Variants in FBXO42 observed in about 807,000 individuals in gnomAD.
The protein encoded by FBXO42 is F-box protein 42.
A neutral mutation model predicts 71.7 loss-of-function variants in FBXO42; 12 were observed. The ratio of observed to expected loss-of-function variants is 0.17; its 90% CI spans 0.11 to 0.27. The LOEUF (loss-of-function observed/expected upper bound fraction) is 0.27. FBXO42 is among the 10% of genes least tolerant of loss of function. FBXO42 has a pLI of 1.00. For missense variants in FBXO42, 707 were observed against 911.9 expected, an observed-to-expected ratio of 0.78 and a Z score of 2.89; for synonymous variants, 325 against 327.5, an observed-to-expected ratio of 0.99 and a Z score of 0.08.
intron 3 of FBXO42, among the ~76,000 whole-genome samples, chr1:16,301,296 CA>C (rs954089786): frequency 2.6e-5 from 4 of 152,078 alleles, no homozygotes; most frequent in Admixed American, 2.6e-4. Context: ...CTTAAGTCCA[CA>C]AAAATTATTA....
intron 4 of FBXO42, among the ~76,000 whole-genome samples, chr1:16,271,908 G>A (rs909964601): frequency 6.6e-6 from 1 of 151,204 alleles, no homozygotes; most frequent in Non-Finnish European, 1.5e-5. Context: ...GGAGGCTGAG[G>A]CGGGTGGATC....
At chr1:16,262,734 G>A (rs982169972) in intron 4 of FBXO42, among the ~76,000 whole-genome samples, 4 of 152,024 alleles carry the variant, frequency 2.6e-5, no homozygotes, top group African/African-American at 9.7e-5. Flanking sequence ...GTCTCACTCC[G>A]GTTGCCCAGG....
In FBXO42 at chr1:16,265,898, A is replaced by T. The variant is rs556256913; in HGVS notation, c.503-9139T>A. Among the ~76,000 whole-genome samples, 192 of 152,320 alleles carry T rather than the reference A, an allele frequency of 1.3e-3. 1 individual carries two copies. The highest frequency in any genetic ancestry group is 4.3e-3 in the African/African-American group (179 of 41,578). ...GGCTCTGAGTACAGGTGTCTTAGGCAATAATAGCCAAATGTCACAAGATGA... is the reference window on the plus strand; with the variant it reads ...GGCTCTGAGTACAGGTGTCTTAGGCTATAATAGCCAAATGTCACAAGATGA... On this transcript the variant is annotated intron_variant, in intron 4 of 9. Transcript: ENST00000375592.
intron 4 of FBXO42, among the ~76,000 whole-genome samples, chr1:16,289,645 T>TG (rs386366301): frequency 1.5e-5 from 1 of 65,302 alleles, no homozygotes; most frequent in African/African-American, 6.8e-5. Flanking sequence ...CCCTCCACTA[T>TG]CATTCTTTAG....
In FBXO42 at chr1:16,250,793, G is replaced by T; in HGVS notation, c.2031C>A (p.Ser677Arg). The T allele has an allele frequency of 6.2e-7, 1 of 1,614,124 alleles. No homozygotes were observed. The highest frequency in any genetic ancestry group is 8.5e-7 in the Non-Finnish European group (1 of 1,180,036). Residue 677 changes from serine (S) to arginine (R), a missense_variant, in exon 10 of 10, where the codon AGC becomes AGA. Ser to Arg is a moderately radical substitution (Grantham distance 110). Around this residue, in one of 5 missense-constraint regions of FBXO42, gnomAD observed 9 missense variants for 31.8 expected, o/e 0.28. Transcript: ENST00000375592. This position sits in a 1 kb window ranked among gnomAD's most constrained non-coding sequence, Gnocchi z 4.7. Reference protein sequence around the residue: ...SSSVVGPPETSLHTVVQGRGE... With the variant: ...SSSVVGPPETRLHTVVQGRGE... The stretch of plus-strand genomic sequence containing the variant: ...CCCTGCCTTGTACCACGGTATGCAG[G>T]CTGGTTTCAGGAGGTCCAACCACAG...
Position 16,281,574 on chromosome 1 carries a change from T to C in FBXO42, c.502+13209A>G, listed in dbSNP as rs545426208. On this transcript the variant is annotated intron_variant, in intron 4 of 9. Transcript: ENST00000375592. The stretch of plus-strand genomic sequence containing the variant: ...ACCTCTGCCTCCCAGGTTCAAGCAA[T>C]TCTTGTGCCTCGGACTCTTGAGTAG... 7.3e-5 allele frequency among the ~76,000 whole-genome samples: 11 copies of C among 151,422 alleles called. No individual in the cohort carries two copies. In the East Asian group the frequency reaches 1.4e-3, roughly 19 times the overall value.
chr1:16,251,217 C>T lies in FBXO42; in HGVS notation c.1607G>A (p.Gly536Asp), dbSNP rs1161999029. ...SMRHPPEQTN[G>D]VHTPPHVASA... ...GGCCACGTGAGGTGGGGTATGCACA[C>T]CATTTGTCTGTTCAGGAGGGTGTCT... Residue 536 changes from glycine to aspartate, a missense_variant, in exon 10 of 10, where the codon GGT becomes GAT. This residue lies in a region of FBXO42 where 482 missense variants were observed against 587.1 expected (regional missense o/e 0.82). Transcript: ENST00000375592. The surrounding 1 kb of genome is among the most constrained non-coding windows in gnomAD (Gnocchi z 4.5). 1 of 1,614,140 alleles carries T rather than the reference C, an allele frequency of 6.2e-7. No homozygotes were observed. Among genetic ancestry groups the T allele is most frequent in the Non-Finnish European group, 8.5e-7 (1 of 1,180,026 alleles).
intron 1 of FBXO42, among the ~76,000 whole-genome samples, chr1:16,348,527 C>T (rs4661740): frequency 0.26 from 39,461 of 151,634 alleles, 5,875 homozygotes; most frequent in Non-Finnish European, 0.34. Context: ...TGAAATCCCA[C>T]CTCTACTAAA....
intron 4 of FBXO42, among the ~76,000 whole-genome samples, chr1:16,269,867 T>C (rs531052508): frequency 8.9e-4 from 135 of 151,878 alleles, no homozygotes; most frequent in South Asian, 1.7e-3. Context: ...TGTTTTGTTT[T>C]GTTTTGTTTT....
At chr1:16,340,508 G>A (rs1432599222) in intron 1 of FBXO42, among the ~76,000 whole-genome samples, 2 of 151,834 alleles carry the variant, frequency 1.3e-5, no homozygotes, top group African/African-American at 4.8e-5. Flanking sequence ...TAGTAGAGAC[G>A]GGGTTTCACC....
intron 4 of FBXO42, among the ~76,000 whole-genome samples, chr1:16,258,513 T>A (rs183866781): frequency 2.8e-4 from 42 of 151,860 alleles, no homozygotes; most frequent in African/African-American, 9.2e-4. Context: ...AGCACCACCA[T>A]GCCCGACTAA....
intron 2 of FBXO42, among the ~76,000 whole-genome samples, chr1:16,310,550 A>G (rs1384147569): frequency 6.6e-6 from 1 of 152,236 alleles, no homozygotes; most frequent in East Asian, 1.9e-4. Flanking sequence ...ATAACTGATA[A>G]GCCAGAATTC....
At chr1:16,253,954 A>C (rs2081615417) in intron 6 of FBXO42, among the ~76,000 whole-genome samples, 1 of 152,234 alleles carries the variant, frequency 6.6e-6, no homozygotes, top group Non-Finnish European at 1.5e-5. Context: ...CTGTAGCCTG[A>C]ACAAGTCACT....
intron 1 of FBXO42, among the ~76,000 whole-genome samples, chr1:16,340,876 GC>G (rs2082597833): frequency 6.6e-6 from 1 of 152,134 alleles, no homozygotes; most frequent in South Asian, 2.1e-4. Context: ...AGGTCATACA[GC>G]CAATGAGTAG....
chr1:16,279,929 C>T (rs1217491610), intron 4 of FBXO42, among the ~76,000 whole-genome samples: 1 of 150,006 alleles, frequency 6.7e-6, no homozygotes, highest in Non-Finnish European at 1.5e-5. Context: ...TCACTGCAAC[C>T]TCTGCCTCCC....
At chr1:16,311,916 G>C (rs2082316807) in intron 2 of FBXO42, among the ~76,000 whole-genome samples, 1 of 152,096 alleles carries the variant, frequency 6.6e-6, no homozygotes, top group Non-Finnish European at 1.5e-5. Context: ...CCTGCACATG[G>C]ATGCTTACAC....
intron 4 of FBXO42, among the ~76,000 whole-genome samples, chr1:16,274,990 T>TGGTA (rs2100485559): frequency 6.6e-6 from 1 of 152,330 alleles, no homozygotes; most frequent in African/African-American, 2.4e-5. Context: ...TGGTGTCACA[T>TGGTA]GGTACCACCA....
rs370119620 is a variant in FBXO42, at chr1:16,325,634, A to C, written c.-17-10199T>G. ...AATGGAAAAATAAAGTATTCCACAAACTACCCATCAATATACTTTCTTTTT... is the reference window on the plus strand; with the variant it reads ...AATGGAAAAATAAAGTATTCCACAACCTACCCATCAATATACTTTCTTTTT... On this transcript the variant is annotated intron_variant, in intron 1 of 9. Transcript: ENST00000375592. Among the ~76,000 whole-genome samples, 19 of 152,208 alleles carry C rather than the reference A, an allele frequency of 1.2e-4. 1 individual carries two copies. The East Asian group carries it at 3.5e-3, about 28-fold the overall frequency.
chr1:16,274,506 A>T (rs1473178123), intron 4 of FBXO42, among the ~76,000 whole-genome samples: 1 of 151,898 alleles, frequency 6.6e-6, no homozygotes, highest in East Asian at 1.9e-4. Flanking sequence ...TGTAAAAAAC[A>T]AAATCTCTGA....
Sources: gnomAD v4.1 joint callset for allele counts (sites outside exome capture counted in the v4.1 genomes callset) on GRCh38, gnomAD v4.1.1 for gene constraint, gnomAD v4.1.1 regional missense constraint, Gnocchi (gnomAD v3.1) non-coding constraint, MANE v1.5 for transcripts, NCBI Gene and HGNC (gene_info 2026-07-23, HGNC 2026-07-21) for gene names.